SEC31A: variants seen among roughly 807,000 people sequenced by gnomAD.
SEC31A encodes SEC31 homolog A, COPII component, also known as protein transport protein Sec31A.
Under a neutral mutation model 151.0 loss-of-function variants are expected in SEC31A, and 70 were observed. The observed-to-expected ratio is 0.46, with a 90% CI of 0.38 to 0.57. The LOEUF (loss-of-function observed/expected upper bound fraction) is 0.57, where lower values mean the gene tolerates loss of function less well. Ranked by LOEUF, SEC31A falls within the 20% of genes least tolerant of loss-of-function variation. SEC31A has a pLI of 0.00. For synonymous variants in SEC31A, 475 were observed against 505.9 expected (o/e 0.94, Z 0.82); for missense variants, 1,330 against 1,471.2 (o/e 0.90, Z 1.57).
chr4:82,896,353 G>A (rs1720056743), intron 3 of SEC31A, among the ~76,000 whole-genome samples: 1 of 152,128 alleles, frequency 6.6e-6, no homozygotes, highest in Non-Finnish European at 1.5e-5. Flanking sequence ...AAGTAGCTGG[G>A]GTTACAGGTG....
intron 14 of SEC31A, 130 bp from the exon 15 acceptor site, chr4:82,857,894 C>T: frequency 1.7e-6 from 1 of 582,916 alleles, no homozygotes; most frequent in Non-Finnish European, 3.1e-6. Flanking sequence ...GAAAAGTTCT[C>T]AGATCCAAAT....
At chr4:82,871,325 CA>C in intron 7 of SEC31A, 3 of 1,504,260 alleles carry the variant, frequency 2.0e-6, no homozygotes, top group Admixed American at 2.0e-5. Context: ...CACACACACA[CA>C]CACACACACA....
chr4:82,893,840 A>G (rs1355933758), upstream of SEC31A: 1 of 152,272 alleles, frequency 6.6e-6, no homozygotes, highest in African/African-American at 2.4e-5. Context: ...GTCCATCCCT[A>G]AAGAACTGAG....
intron 1 of SEC31A, among the ~76,000 whole-genome samples, chr4:82,890,456 G>GA (rs1237519587): frequency 3.9e-5 from 6 of 152,044 alleles, no homozygotes; most frequent in African/African-American, 1.4e-4. Flanking sequence ...TTAAGCGCAA[G>GA]AAAAAATTTA....
intron 19 of SEC31A, among the ~76,000 whole-genome samples, chr4:82,850,742 A>T (rs986347628): frequency 3.3e-5 from 5 of 152,174 alleles, no homozygotes; most frequent in Admixed American, 1.3e-4. Context: ...CAATACCCTT[A>T]TCACAGTACT....
rs570365100 is a variant in SEC31A, at chr4:82,829,030, T to C, written c.2997A>G (p.Pro999=). The C allele has an allele frequency of 2.8e-5, 45 of 1,613,858 alleles. No individual in the cohort carries two copies. Among genetic ancestry groups the C allele is most frequent in the Admixed American group, 1.2e-4 (7 of 60,028 alleles). Residue 999 remains proline (P), a synonymous_variant, in exon 23 of 27, where the codon CCA becomes CCG. Coordinates refer to ENST00000395310, the MANE Select transcript of SEC31A (RefSeq NM_001077207.4). ...TCTTTTTGGGTACTCTGTTCAAAGC[T>C]GGAGGGTCATTCCAACCATTCTGAG... ...TGPQNGWNDP[P]ALNRVPKKKK...
chr4:82,864,521 G>GTGCTGC lies in SEC31A; in HGVS notation c.1269_1274dup (p.Gln423_Gln424dup). On this transcript the variant is annotated inframe_insertion, in exon 11 of 27. Transcript: ENST00000395310. ...TTACAACCTGACTAATGAACACATGGTGCTGCTGCTGCTGCTGCTCAGCTC... is the reference window on the plus strand; with the variant it reads ...TTACAACCTGACTAATGAACACATGGTGCTGCTGCTGCTGCTGCTGCTGCTCAGCTC... 5 of 1,613,854 alleles carry GTGCTGC rather than the reference G, an allele frequency of 3.1e-6. No individual in the cohort carries two copies. The highest frequency in any genetic ancestry group is 4.2e-6 in the Non-Finnish European group (5 of 1,179,900).
At chr4:82,869,157 T>C (rs1160209921) in intron 8 of SEC31A, among the ~76,000 whole-genome samples, 1 of 151,568 alleles carries the variant, frequency 6.6e-6, no homozygotes, top group Non-Finnish European at 1.5e-5. Context: ...TCTCACTCTG[T>C]CACCCAGGCT....
chr4:82,891,175 C>A (rs2125994134), upstream of SEC31A: 9 of 1,535,272 alleles, frequency 5.9e-6, no homozygotes, highest in Non-Finnish European at 7.8e-6. Flanking sequence ...TCCTCCCCGG[C>A]CAGGGCCACC....
At chr4:82,849,531 G>A (rs1045886976) in intron 19 of SEC31A, among the ~76,000 whole-genome samples, 7 of 148,392 alleles carry the variant, frequency 4.7e-5, no homozygotes, top group Non-Finnish European at 7.4e-5. Context: ...GAAGAATGGC[G>A]TGAACCAGGG....
chr4:82,882,401 C>CAAAAAAAAAAAAAAAAAA (rs57974382), intron 1 of SEC31A, among the ~76,000 whole-genome samples: 1 of 92,488 alleles, frequency 1.1e-5, no homozygotes, highest in African/African-American at 5.2e-5. Context: ...GACTCTATCT[C>CAAAAAAAAAAAAAAAAAA]AAAAAAAAAA....
upstream of SEC31A, chr4:82,895,079 A>T (rs1563647): frequency 0.68 from 103,505 of 152,194 alleles, 37,555 homozygotes; most frequent in Non-Finnish European, 0.8. Flanking sequence ...TCCTGAACAG[A>T]TCCTTAAGTT....
At chr4:82,873,680 T>A (rs974889868) in intron 6 of SEC31A, among the ~76,000 whole-genome samples, 2 of 152,204 alleles carry the variant, frequency 1.3e-5, no homozygotes, top group Admixed American at 6.5e-5. Context: ...GTTTTTAAAC[T>A]ACATATGTAT....
intron 22 of SEC31A, among the ~76,000 whole-genome samples, chr4:82,833,662 T>C (rs1025279394): frequency 6.6e-6 from 1 of 152,044 alleles, no homozygotes; most frequent in Non-Finnish European, 1.5e-5. Flanking sequence ...GCAATCCCAA[T>C]TGTCAAATAC....
Position 82,836,821 on chromosome 4 carries a change from G to C in SEC31A, c.2968+5319C>G, listed in dbSNP as rs180697564. Among the ~76,000 whole-genome samples the C allele has an allele frequency of 1.1e-3, 170 of 152,118 alleles. 1 individual carries two copies. The highest frequency in any genetic ancestry group is 3.9e-3 in the African/African-American group (162 of 41,520). The stretch of plus-strand genomic sequence containing the variant: ...AATATAGTTAGATAGAACTGAATAA[G>C]ATCTAGTTGACATCACAACAGGGTG... On this transcript the variant is annotated intron_variant, in intron 22 of 26. Coordinates refer to ENST00000395310, the MANE Select transcript of SEC31A (RefSeq NM_001077207.4).
Position 82,871,959 on chromosome 4 carries a change from A to C in SEC31A, c.767T>G (p.Leu256Arg), listed in dbSNP as rs1437884292. Residue 256 changes from leucine to arginine, a missense_variant, in exon 7 of 27, where the codon CTG (leucine) becomes CGG (arginine). Leu to Arg is a moderately radical substitution (Grantham distance 102). Coordinates refer to ENST00000395310, the MANE Select transcript of SEC31A (RefSeq NM_001077207.4). ...AGCACGATACCTGGCATGGTTTTCC[A>C]GGACACGAAGTGGAGAGGAAGCAAA... ...LRFASSPLRV[L>R]ENHARGILAI... The C allele has an allele frequency of 1.2e-6, 2 of 1,614,048 alleles. No homozygotes were observed. The highest frequency in any genetic ancestry group is 2.2e-5 in the East Asian group (1 of 44,892).
At chr4:82,900,471 C>G in exon 1 of SEC31A, 1 of 313,032 alleles carries the variant, frequency 3.2e-6, no homozygotes, top group East Asian at 6.8e-5. Flanking sequence ...ACGATGGCGC[C>G]AGATTGTGCC....
In SEC31A at chr4:82,851,559, T is replaced by A. The variant is rs1731454899; in HGVS notation, c.2200A>T (p.Thr734Ser). The A allele has an allele frequency of 6.2e-7, 1 of 1,613,100 alleles. No individual in the cohort carries two copies. Among genetic ancestry groups the A allele is most frequent in the African/African-American group, 1.3e-5 (1 of 75,014 alleles). ...ACAGTACTAGTGTCCATGGCTTGAGTGAGTTGCACAGCTTTTCGCAGGATG... is the reference window on the plus strand; with the variant it reads ...ACAGTACTAGTGTCCATGGCTTGAGAGAGTTGCACAGCTTTTCGCAGGATG... ...VVILRKAVQL[T>S]QAMDTSTVGV... The change falls in exon 19 of 27, where the codon ACT (threonine) becomes TCT (serine). Residue 734 changes from threonine to serine, a missense_variant. Coordinates refer to ENST00000395310, the MANE Select transcript of SEC31A (RefSeq NM_001077207.4).
upstream of SEC31A, chr4:82,891,191 G>C (rs1169218287): frequency 6.5e-7 from 1 of 1,533,444 alleles, no homozygotes; most frequent in African/African-American, 1.4e-5. Flanking sequence ...CCACCTCCAC[G>C]TTCCGTTCCA....
Sources: allele counts gnomAD v4.1 joint callset (sites outside exome capture counted in the v4.1 genomes callset), GRCh38; gene constraint gnomAD v4.1.1; transcripts MANE v1.5; gene names NCBI Gene and HGNC (gene_info 2026-07-23, HGNC 2026-07-21).